The following CACNA2D3 variants were observed in gnomAD, a reference collection of about 807,000 sequenced individuals.
CACNA2D3 encodes the protein calcium voltage-gated channel auxiliary subunit alpha2delta 3.
A neutral mutation model predicts 160.6 loss-of-function variants in CACNA2D3; 60 were observed. The observed-to-expected ratio is 0.37, with a 90% confidence interval of 0.30 to 0.46. CACNA2D3 has a LOEUF of 0.46. Ranked by LOEUF, CACNA2D3 falls within the 20% of genes least tolerant of loss-of-function variation. The pLI, the probability that CACNA2D3 is intolerant of heterozygous loss-of-function variation, is 1.00. For synonymous variants in CACNA2D3, 558 were observed against 492.9 expected (o/e 1.13, Z -1.75); for missense variants, 1,205 against 1,365.0 (o/e 0.88, Z 1.85).
In CACNA2D3 at chr3:54,367,027, G is replaced by C. The variant is rs150919408; in HGVS notation, c.322-19688G>C. Among the ~76,000 whole-genome samples, 920 of 152,282 alleles carry C rather than the reference G, an allele frequency of 6.0e-3. 10 individuals carry two copies. The highest frequency in any genetic ancestry group is 0.021 in the African/African-American group (872 of 41,568). Reference sequence around the variant, plus strand: ...TGTTGTGGCGGGAATCCAGGCACCTGCCAGGTGGAAGTTGTTAGGAGTGAT... The same window carrying C: ...TGTTGTGGCGGGAATCCAGGCACCTCCCAGGTGGAAGTTGTTAGGAGTGAT... On this transcript the variant is annotated intron_variant, in intron 3 of 37. Transcript: ENST00000474759.
intron 2 of CACNA2D3, among the ~76,000 whole-genome samples, chr3:54,224,031 CT>C (rs1701622867): frequency 6.6e-6 from 1 of 151,860 alleles, no homozygotes; most frequent in African/African-American, 2.4e-5. Context: ...ACTGTATATG[CT>C]TTTTCTATTA....
intron 27 of CACNA2D3, among the ~76,000 whole-genome samples, chr3:54,903,578 T>G (rs1395692972): frequency 1.3e-5 from 2 of 152,206 alleles, no homozygotes; most frequent in African/African-American, 4.8e-5. Context: ...TACCCAGAAA[T>G]GGGATTGCTG....
intron 4 of CACNA2D3, among the ~76,000 whole-genome samples, chr3:54,448,320 G>GGCT (rs1700254234): frequency 6.6e-6 from 1 of 152,180 alleles, no homozygotes; most frequent in Non-Finnish European, 1.5e-5. Flanking sequence ...AAGTAGGTGA[G>GGCT]TACTGGCTGC....
At chr3:54,872,630 C>A (rs1031571166) in intron 18 of CACNA2D3, among the ~76,000 whole-genome samples, 1 of 152,198 alleles carries the variant, frequency 6.6e-6, no homozygotes, top group African/African-American at 2.4e-5. Context: ...TTTCCACACG[C>A]TCTGCACTTT....
chr3:54,947,823 AG>A (rs1232358611), intron 27 of CACNA2D3, among the ~76,000 whole-genome samples: 3 of 152,194 alleles, frequency 2.0e-5, no homozygotes, highest in African/African-American at 4.8e-5. Context: ...GATGTGGGTC[AG>A]GAAGCATCCA....
At chr3:54,719,785 A>G (rs1447822624) in intron 11 of CACNA2D3, among the ~76,000 whole-genome samples, 1 of 152,148 alleles carries the variant, frequency 6.6e-6, no homozygotes, top group Middle Eastern at 3.4e-3. Flanking sequence ...GTTTACTTTG[A>G]GGGAAGATTT....
At chr3:54,380,874 T>G (rs1413284254) in intron 3 of CACNA2D3, among the ~76,000 whole-genome samples, 1 of 152,178 alleles carries the variant, frequency 6.6e-6, no homozygotes, top group Non-Finnish European at 1.5e-5. Flanking sequence ...TCTTGTTGAT[T>G]CAAAGGAAAA....
At chr3:54,646,241 T>C (rs1699648679) in intron 11 of CACNA2D3, among the ~76,000 whole-genome samples, 1 of 127,406 alleles carries the variant, frequency 7.8e-6, no homozygotes, top group Non-Finnish European at 1.6e-5. Context: ...CTTCCTTCCT[T>C]CCTTCCTCTC....
intron 9 of CACNA2D3, among the ~76,000 whole-genome samples, chr3:54,585,253 G>A (rs1702740341): frequency 6.6e-6 from 1 of 152,154 alleles, no homozygotes; most frequent in Non-Finnish European, 1.5e-5. Context: ...GAAGGGTAAA[G>A]GGACCTAAAT....
intron 29 of CACNA2D3, among the ~76,000 whole-genome samples, chr3:54,974,105 T>A (rs1283320283): frequency 6.6e-6 from 1 of 152,138 alleles, no homozygotes; most frequent in Non-Finnish European, 1.5e-5. Flanking sequence ...GCAGCAAAGC[T>A]CAGCCAGTCA....
intron 2 of CACNA2D3, among the ~76,000 whole-genome samples, chr3:54,257,288 C>G (rs1702315024): frequency 6.6e-6 from 1 of 152,200 alleles, no homozygotes; most frequent in Non-Finnish European, 1.5e-5. Context: ...CCCCTGCAAG[C>G]TGTAATGTAC....
chr3:54,485,745 G>T (rs904137771), intron 4 of CACNA2D3, among the ~76,000 whole-genome samples: 1 of 152,058 alleles, frequency 6.6e-6, no homozygotes, highest in Non-Finnish European at 1.5e-5. Flanking sequence ...TATATTTTTA[G>T]TAGAGATGGG....
At chr3:54,720,514 C>G (rs1048001925) in intron 11 of CACNA2D3, among the ~76,000 whole-genome samples, 9 of 151,978 alleles carry the variant, frequency 5.9e-5, no homozygotes, top group Non-Finnish European at 1.3e-4. Context: ...TACAGATGAT[C>G]ATACGATGTG....
chr3:54,320,490 C>T lies in CACNA2D3; in HGVS notation c.253C>T (p.Leu85Phe). The T allele has an allele frequency of 6.4e-7, 1 of 1,569,174 alleles. No homozygotes were observed. The highest frequency in any genetic ancestry group is 8.6e-7 in the Non-Finnish European group (1 of 1,156,510). ...KDVAIEEIDGLQLVKKLAKNM... is the reference protein window; with the variant it reads ...KDVAIEEIDGFQLVKKLAKNM... ...CGTTGCCATAGAAGAAATTGATGGCCTCCAACTGGTAAAGAAGCTGGCAAA... is the reference window on the plus strand; with the variant it reads ...CGTTGCCATAGAAGAAATTGATGGCTTCCAACTGGTAAAGAAGCTGGCAAA... Residue 85 changes from leucine to phenylalanine, a missense_variant, in exon 3 of 38, where the codon CTC becomes TTC. Around this residue, in one of 3 missense-constraint regions of CACNA2D3, gnomAD observed 163 missense variants for 161.3 expected, o/e 1.01. Coordinates refer to ENST00000474759, the MANE Select transcript of CACNA2D3 (RefSeq NM_018398.3).
At chr3:54,793,450 A>G (rs897779584) in intron 13 of CACNA2D3, among the ~76,000 whole-genome samples, 5 of 152,204 alleles carry the variant, frequency 3.3e-5, no homozygotes, top group Non-Finnish European at 7.3e-5. Flanking sequence ...GGCAATGGGG[A>G]TATATCTGTG....
intron 9 of CACNA2D3, among the ~76,000 whole-genome samples, chr3:54,625,380 A>G (rs1465786015): frequency 1.3e-5 from 2 of 152,238 alleles, no homozygotes; most frequent in Non-Finnish European, 2.9e-5. Flanking sequence ...CCTGGATTGA[A>G]ACCTGGGCCA....
intron 13 of CACNA2D3, among the ~76,000 whole-genome samples, chr3:54,806,411 G>A (rs551238609): frequency 1.2e-4 from 18 of 152,086 alleles, no homozygotes; most frequent in South Asian, 4.2e-4. Context: ...CACCAATAGC[G>A]GACAAACAGA....
chr3:54,856,782 GTT>G (rs1157163484), intron 17 of CACNA2D3, among the ~76,000 whole-genome samples: 3 of 152,112 alleles, frequency 2.0e-5, no homozygotes, highest in African/African-American at 7.2e-5. Flanking sequence ...TTTTTCGTTT[GTT>G]TGTTTTTTGT....
At chr3:54,649,588 C>G (rs905331143) in intron 11 of CACNA2D3, among the ~76,000 whole-genome samples, 1 of 152,206 alleles carries the variant, frequency 6.6e-6, no homozygotes, top group Non-Finnish European at 1.5e-5. Context: ...TTTGAGGCCC[C>G]TCTTTTGGGT....
Sources: gnomAD v4.1 joint callset for allele counts (sites outside exome capture counted in the v4.1 genomes callset) on GRCh38, gnomAD v4.1.1 for gene constraint, gnomAD v4.1.1 regional missense constraint, MANE v1.5 for transcripts, NCBI Gene and HGNC (gene_info 2026-07-23, HGNC 2026-07-21) for gene names.